Variants in OTUD7A observed in about 807,000 individuals in gnomAD.
OTUD7A encodes OTU domain-containing protein 7A.
A neutral mutation model predicts 65.7 loss-of-function variants in OTUD7A; 12 were observed. The observed-to-expected ratio is 0.18, with a 90% confidence interval of 0.12 to 0.30. OTUD7A has a LOEUF of 0.30. OTUD7A is among the 10% of genes least tolerant of loss of function. The pLI, the probability that OTUD7A is intolerant of heterozygous loss-of-function variation, is 1.00. For missense variants in OTUD7A, 1,148 were observed against 1,304.8 expected, an observed-to-expected ratio of 0.88 and a Z score of 1.85; for synonymous variants, 641 against 586.3, an observed-to-expected ratio of 1.09 and a Z score of -1.35.
In OTUD7A at chr15:31,860,677, GTATATATATATATATATATATATGTA is replaced by G. The variant is rs1897709027; in HGVS notation, c.-100+9804_-100+9829del. ...TGTGTGTATATATAGATGTATGTGT[GTATATATATATATATATATATATGTA>G]TGTATATATATATATTTTTTGGGAC... On this transcript the variant is annotated intron_variant, in intron 1 of 12. Transcript: ENST00000307050. Among the ~76,000 whole-genome samples, 2 of 73,284 alleles carry G rather than the reference GTATATATATATATATATATATATGTA, an allele frequency of 2.7e-5. 1 individual carries two copies. Among genetic ancestry groups the G allele is most frequent in the African/African-American group, 9.3e-5 (2 of 21,602 alleles). The allele number at this position is 73,284 out of a possible 152,430, so 48.1% of individuals were successfully genotyped here.
At chr15:31,609,027 A>T (rs1890318965) in intron 3 of OTUD7A, among the ~76,000 whole-genome samples, 1 of 152,176 alleles carries the variant, frequency 6.6e-6, no homozygotes, top group South Asian at 2.1e-4. Context: ...CCTTACCTGG[A>T]GCAGAGTCAA....
chr15:31,588,234 C>T (rs1034597967), intron 3 of OTUD7A, among the ~76,000 whole-genome samples: 1 of 152,142 alleles, frequency 6.6e-6, no homozygotes, highest in Non-Finnish European at 1.5e-5. Flanking sequence ...ACAGAGGAGT[C>T]TCAGGAATAT....
At chr15:31,525,717 C>T (rs2042002171) in intron 8 of OTUD7A, among the ~76,000 whole-genome samples, 1 of 152,260 alleles carries the variant, frequency 6.6e-6, no homozygotes, top group South Asian at 2.1e-4. Flanking sequence ...GGCCAAGGCT[C>T]TATGGCTGCC....
At position 31,483,736 on chromosome 15, in the gene OTUD7A, C is replaced by T. The variant is rs958282932; in HGVS notation, c.2360G>A (p.Arg787Gln). ...SVIHVQASGARDEACAPAVGA... is the reference protein window; with the variant it reads ...SVIHVQASGAQDEACAPAVGA... ...CACGGCCGGCGCGCACGCCTCGTCC[C>T]GCGCGCCCGACGCCTGCACGTGGAT... Residue 787 changes from arginine to glutamine, a missense_variant, in exon 13 of 13, where the codon CGG (arginine) becomes CAG (glutamine). Around this residue, in one of 6 missense-constraint regions of OTUD7A, gnomAD observed 842 missense variants for 769.5 expected, o/e 1.09. Transcript: ENST00000307050. 10 of 1,110,448 alleles carry T rather than the reference C, an allele frequency of 9.0e-6. No individual in the cohort carries two copies. The African/African-American group carries it at 1.7e-4, about 19-fold the overall frequency. The allele number at this position is 1,110,448 out of a possible 1,614,324, so 68.8% of individuals were successfully genotyped here.
intron 1 of OTUD7A, among the ~76,000 whole-genome samples, chr15:31,863,210 G>T (rs1005798072): frequency 3.3e-5 from 5 of 152,200 alleles, no homozygotes; most frequent in Non-Finnish European, 5.9e-5. Flanking sequence ...GGCTGGTGTT[G>T]AGTGTCTATG....
rs1209496381 is a variant in OTUD7A at position 31,498,514 on chromosome 15, C to T, written c.1171+3176G>A. ...AGGTTCTATGTTTCCAGGAACTATG[C>T]GGCACCTCTGCTTCTCCTGTTAATT... On this transcript the variant is annotated intron_variant, in intron 10 of 12. Transcript: ENST00000307050. The surrounding 1 kb of genome is among the most constrained non-coding windows in gnomAD (Gnocchi z 4.2). Among the ~76,000 whole-genome samples the T allele has an allele frequency of 2.6e-5, 4 of 152,106 alleles. No homozygotes were observed. Among genetic ancestry groups the T allele is most frequent in the Admixed American group, 2.0e-4 (3 of 15,262 alleles).
At chr15:31,662,444 T>C (rs926307413) in intron 1 of OTUD7A, among the ~76,000 whole-genome samples, 2 of 152,224 alleles carry the variant, frequency 1.3e-5, no homozygotes, top group African/African-American at 4.8e-5. Flanking sequence ...TGCATTTCAA[T>C]CTATCCAATA....
chr15:31,743,005 G>A (rs1894384060), intron 1 of OTUD7A, among the ~76,000 whole-genome samples: 1 of 152,096 alleles, frequency 6.6e-6, no homozygotes, highest in African/African-American at 2.4e-5. Flanking sequence ...CATAACCATA[G>A]TGGATGATTT....
In OTUD7A at chr15:31,861,656, T is replaced by A. The variant is rs181168838; in HGVS notation, c.-100+8851A>T. Among the ~76,000 whole-genome samples, 3 of 152,142 alleles carry A rather than the reference T, an allele frequency of 2.0e-5. No individual in the cohort carries two copies. The East Asian group carries it at 5.8e-4, about 29-fold the overall frequency. On this transcript the variant is annotated intron_variant, in intron 1 of 12. Transcript: ENST00000307050. The stretch of plus-strand genomic sequence containing the variant: ...GTTCACATTCAATACCTCAACAAGG[T>A]AGAGACAGAATAATCAAGAGATTTG...
chr15:31,497,669 C>T (rs758176390), intron 10 of OTUD7A, among the ~76,000 whole-genome samples: 2 of 152,170 alleles, frequency 1.3e-5, no homozygotes, highest in African/African-American at 2.4e-5. Context: ...GGGTCTGAGA[C>T]GCTATCTTAT....
At chr15:31,817,695 C>T (rs546573778) in intron 1 of OTUD7A, among the ~76,000 whole-genome samples, 1 of 152,276 alleles carries the variant, frequency 6.6e-6, no homozygotes, top group African/African-American at 2.4e-5. Context: ...CCTGTGTCAC[C>T]TCTCAGGCCA....
At chr15:31,609,080 G>C (rs1283971579) in intron 3 of OTUD7A, among the ~76,000 whole-genome samples, 1 of 152,222 alleles carries the variant, frequency 6.6e-6, no homozygotes, top group Non-Finnish European at 1.5e-5. Context: ...GAGGCAGCGG[G>C]AAAGGCCCTG....
At chr15:31,528,342 G>A (rs1004558321) in intron 6 of OTUD7A, among the ~76,000 whole-genome samples, 1 of 152,242 alleles carries the variant, frequency 6.6e-6, no homozygotes, top group African/African-American at 2.4e-5. Context: ...ACCCAGAGGG[G>A]GCAGTACTTG....
chr15:31,832,529 C>T (rs4779551), intron 1 of OTUD7A, among the ~76,000 whole-genome samples: 91,703 of 152,094 alleles, frequency 0.6, 27,846 homozygotes, highest in East Asian at 0.69. Context: ...TATATTCACA[C>T]TGTTGTACAA....
At chr15:31,818,488 A>G (rs1209164286) in intron 1 of OTUD7A, among the ~76,000 whole-genome samples, 1 of 152,204 alleles carries the variant, frequency 6.6e-6, no homozygotes, top group Non-Finnish European at 1.5e-5. Context: ...CTTCCAGGTG[A>G]AGGGAGACAG....
At chr15:31,488,467 G>A (rs1034394041) in intron 10 of OTUD7A, among the ~76,000 whole-genome samples, 1 of 152,202 alleles carries the variant, frequency 6.6e-6, no homozygotes, top group African/African-American at 2.4e-5. Context: ...CAAGGGCATT[G>A]TCAGGGACAA....
At chr15:31,524,824 C>T (rs1200523667) in intron 8 of OTUD7A, among the ~76,000 whole-genome samples, 1 of 152,172 alleles carries the variant, frequency 6.6e-6, no homozygotes, top group Non-Finnish European at 1.5e-5. Flanking sequence ...TAAGGTTGAT[C>T]ACTCAGACTC....
chr15:31,721,886 G>A (rs866614338), intron 1 of OTUD7A, among the ~76,000 whole-genome samples: 8 of 152,250 alleles, frequency 5.3e-5, no homozygotes, highest in South Asian at 2.1e-4. Context: ...TCCTAGGCCA[G>A]GGACTGCATC....
At chr15:31,681,088 C>A (rs113699155) in intron 1 of OTUD7A, among the ~76,000 whole-genome samples, 3,009 of 142,770 alleles carry the variant, frequency 0.021, 141 homozygotes, top group African/African-American at 0.084. Context: ...CTTGTTCCAC[C>A]CACCTACCTA....
Sources: allele counts gnomAD v4.1 joint callset (sites outside exome capture counted in the v4.1 genomes callset), GRCh38; gene constraint gnomAD v4.1.1; regional missense constraint gnomAD v4.1.1; non-coding constraint Gnocchi (gnomAD v3.1); transcripts MANE v1.5; gene names NCBI Gene and HGNC (gene_info 2026-07-23, HGNC 2026-07-21).